GRAMD1B: variants seen among roughly 807,000 people sequenced by gnomAD.
The protein encoded by GRAMD1B is GRAM domain containing 1B.
Under a neutral mutation model 99.7 loss-of-function variants are expected in GRAMD1B, and 37 were observed. The observed-to-expected ratio is 0.37, with a 90% CI of 0.29 to 0.49. GRAMD1B has a LOEUF of 0.49. GRAMD1B is among the 20% of genes least tolerant of loss of function. The pLI is 0.98. For synonymous variants in GRAMD1B, 427 were observed against 387.6 expected (o/e 1.10, Z -1.19); for missense variants, 888 against 1,009.2 (o/e 0.88, Z 1.63).
chr11:123,523,307 G>C (rs920471350), intron 2 of GRAMD1B, among the ~76,000 whole-genome samples: 4 of 152,130 alleles, frequency 2.6e-5, no homozygotes, highest in Non-Finnish European at 5.9e-5. Flanking sequence ...ACTCCAGCCT[G>C]GGCAACAGAG....
intron 2 of GRAMD1B, among the ~76,000 whole-genome samples, chr11:123,544,490 C>T (rs1944869513): frequency 6.6e-6 from 1 of 152,224 alleles, no homozygotes; most frequent in African/African-American, 2.4e-5. Flanking sequence ...ATATATGTCT[C>T]TCTTGGAGCA....
chr11:123,538,911 G>A (rs1944232532), intron 2 of GRAMD1B, among the ~76,000 whole-genome samples: 1 of 151,914 alleles, frequency 6.6e-6, no homozygotes, highest in South Asian at 2.1e-4. Context: ...TTACAGGTGT[G>A]AGCCACCGCG....
At chr11:123,599,638 A>G (rs1313663728) in intron 7 of GRAMD1B, among the ~76,000 whole-genome samples, 2 of 152,122 alleles carry the variant, frequency 1.3e-5, no homozygotes, top group Non-Finnish European at 2.9e-5. Flanking sequence ...ACGCCTGGCT[A>G]ATTTTTGTAT....
intron 2 of GRAMD1B, among the ~76,000 whole-genome samples, chr11:123,513,388 T>C (rs1941235919): frequency 6.6e-6 from 1 of 152,166 alleles, no homozygotes; most frequent in Admixed American, 6.5e-5. Flanking sequence ...TACCCTTTTT[T>C]TTTTTAAGGT....
intron 2 of GRAMD1B, among the ~76,000 whole-genome samples, chr11:123,536,853 C>G (rs1944018096): frequency 6.6e-6 from 1 of 152,154 alleles, no homozygotes; most frequent in African/African-American, 2.4e-5. Flanking sequence ...CACTTGACCA[C>G]TGCACTGGAG....
intron 2 of GRAMD1B, among the ~76,000 whole-genome samples, chr11:123,533,674 G>A (rs7119938): frequency 0.046 from 6,964 of 152,134 alleles, 380 homozygotes; most frequent in African/African-American, 0.13. Flanking sequence ...TAATCCACCC[G>A]CCTGAGCCTC....
At chr11:123,560,683 CGTGTGTGTGTGTGT>C (rs749623875) in intron 2 of GRAMD1B, 8,231 of 425,330 alleles carry the variant, frequency 0.019, 68 homozygotes, top group African/African-American at 0.055. Context: ...ACGCCTGGTG[CGTGTGTGTGTGTGT>C]GTGTGTGTGT....
upstream of GRAMD1B, among the ~76,000 whole-genome samples, chr11:123,426,644 A>T (rs1948662131): frequency 6.6e-6 from 1 of 151,940 alleles, no homozygotes; most frequent in African/African-American, 2.4e-5. Flanking sequence ...CCCAGTGTTG[A>T]GAGTGGGGAT....
intron 1 of GRAMD1B, among the ~76,000 whole-genome samples, chr11:123,422,321 G>T (rs1460910168): frequency 6.6e-6 from 1 of 152,188 alleles, no homozygotes; most frequent in Non-Finnish European, 1.5e-5. Context: ...TTGCATAGAG[G>T]TGAATTGTTT....
At chr11:123,459,686 A>T (rs1591593156) in intron 1 of GRAMD1B, 1 of 107,646 alleles carries the variant, frequency 9.3e-6, no homozygotes, top group Non-Finnish European at 2.4e-5. Flanking sequence ...CTAGGTACTC[A>T]AATACCTGTT....
At chr11:123,532,152 C>T (rs1485558585) in intron 2 of GRAMD1B, among the ~76,000 whole-genome samples, 2 of 152,080 alleles carry the variant, frequency 1.3e-5, no homozygotes, top group African/African-American at 4.8e-5. Context: ...ACCAGCTTAA[C>T]TCATGCTAAA....
rs774640804 is a variant in GRAMD1B at position 123,602,320 on chromosome 11, ATTG to A, written c.1051-1103_1051-1101del. On this transcript the variant is annotated intron_variant, in intron 8 of 19. Transcript: ENST00000635736. ...CTCTCAAATTATTATTATTATTATTATTGTTATTTTTACTCCCAATGGAATATT... is the reference window on the plus strand; with the variant it reads ...CTCTCAAATTATTATTATTATTATTATTATTTTTACTCCCAATGGAATATT... Among the ~76,000 whole-genome samples, 519 of 150,394 alleles carry A rather than the reference ATTG, an allele frequency of 3.5e-3. 4 individuals are homozygous for A. The highest frequency in any genetic ancestry group is 7.3e-3 in the South Asian group (35 of 4,776).
At chr11:123,532,723 T>G (rs571170179) in intron 2 of GRAMD1B, among the ~76,000 whole-genome samples, 10 of 152,342 alleles carry the variant, frequency 6.6e-5, no homozygotes. Context: ...TTTAAATGGT[T>G]GAAGAAATTA....
At chr11:123,487,508 C>T (rs766253053) in intron 2 of GRAMD1B, among the ~76,000 whole-genome samples, 1 of 152,188 alleles carries the variant, frequency 6.6e-6, no homozygotes, top group Non-Finnish European at 1.5e-5. Flanking sequence ...GGCCTTTGGA[C>T]AGGTAGGCAA....
At chr11:123,395,705 T>A (rs1947434900) in intron 1 of GRAMD1B, among the ~76,000 whole-genome samples, 1 of 152,206 alleles carries the variant, frequency 6.6e-6, no homozygotes, top group Admixed American at 6.5e-5. Flanking sequence ...GATGAGAATC[T>A]TTGTGGGTGA....
chr11:123,466,199 C>A (rs1444093717), intron 1 of GRAMD1B, among the ~76,000 whole-genome samples: 1 of 151,772 alleles, frequency 6.6e-6, no homozygotes. Flanking sequence ...TGGCTTTAAC[C>A]TGGGAGGTGG....
At chr11:123,375,236 C>T (rs181192757) in intron 1 of GRAMD1B, among the ~76,000 whole-genome samples, 54 of 152,138 alleles carry the variant, frequency 3.5e-4, no homozygotes, top group Admixed American at 7.9e-4. Flanking sequence ...TTTCAGAGCC[C>T]GAGCTTTTAA....
At chr11:123,517,167 G>C (rs1465960195) in intron 2 of GRAMD1B, among the ~76,000 whole-genome samples, 1 of 152,154 alleles carries the variant, frequency 6.6e-6, no homozygotes, top group African/African-American at 2.4e-5. Flanking sequence ...TGATCCACCT[G>C]TCTCAGCCTC....
At chr11:123,615,954 T>C (rs1954316230) in intron 17 of GRAMD1B, among the ~76,000 whole-genome samples, 1 of 152,220 alleles carries the variant, frequency 6.6e-6, no homozygotes, top group African/African-American at 2.4e-5. Context: ...AACCTTAATA[T>C]GTCAAATAAA....
Sources: allele counts gnomAD v4.1 joint callset (sites outside exome capture counted in the v4.1 genomes callset), GRCh38; gene constraint gnomAD v4.1.1; transcripts MANE v1.5; gene names NCBI Gene and HGNC (gene_info 2026-07-23, HGNC 2026-07-21).